The following DNAH5 variants were observed in gnomAD, a reference collection of about 807,000 sequenced individuals.
DNAH5 encodes axonemal beta dynein heavy chain 5.
Under a neutral mutation model 518.2 loss-of-function variants are expected in DNAH5, and 372 were observed. The ratio of observed to expected loss-of-function variants is 0.72; its 90% CI spans 0.66 to 0.78. DNAH5 has a LOEUF of 0.78. Among genes scored for constraint, DNAH5 ranks in the 30% least tolerant of loss-of-function variants. DNAH5 has a pLI of 0.00. For missense variants in DNAH5, 5,523 were observed against 5,687.0 expected (o/e 0.97, Z 0.93); for synonymous variants, 2,039 against 2,025.9 (o/e 1.01, Z -0.17).
At chr5:13,872,907 A>G (rs1006292959) in intron 22 of DNAH5, among the ~76,000 whole-genome samples, 2 of 152,150 alleles carry the variant, frequency 1.3e-5, no homozygotes, top group African/African-American at 2.4e-5. Context: ...AAGTGTTTGC[A>G]TGGACATACA....
chr5:13,870,534 C>T (rs1393248158), intron 24 of DNAH5, among the ~76,000 whole-genome samples: 1 of 152,098 alleles, frequency 6.6e-6, no homozygotes, highest in East Asian at 1.9e-4. Flanking sequence ...AAATCATTTG[C>T]ACAGAAATCT....
intron 59 of DNAH5, among the ~76,000 whole-genome samples, chr5:13,765,510 T>C (rs949982808): frequency 6.6e-6 from 1 of 152,200 alleles, no homozygotes; most frequent in African/African-American, 2.4e-5. Flanking sequence ...GAGAGATTTC[T>C]GGGGTCTGAA....
chr5:14,006,253 T>C (rs900865585), intron 1 of DNAH5, among the ~76,000 whole-genome samples: 9 of 152,194 alleles, frequency 5.9e-5, no homozygotes, highest in African/African-American at 2.2e-4. Context: ...TTCCCACCTG[T>C]AAAATCCAGT....
At chr5:14,004,155 T>C (rs1201835547) in intron 1 of DNAH5, among the ~76,000 whole-genome samples, 1 of 152,256 alleles carries the variant, frequency 6.6e-6, no homozygotes, top group East Asian at 1.9e-4. Flanking sequence ...GCTTCGTGTC[T>C]GTTTAAGTAT....
At chr5:13,979,140 G>C (rs990517546) in intron 1 of DNAH5, among the ~76,000 whole-genome samples, 1 of 151,964 alleles carries the variant, frequency 6.6e-6, no homozygotes, top group African/African-American at 2.4e-5. Flanking sequence ...CCAACCTAGG[G>C]CTTTCCGGCT....
At chr5:13,759,130 G>A in intron 60 of DNAH5, 147 bp from the exon 61 acceptor site, 1 of 1,076,018 alleles carries the variant, frequency 9.3e-7, no homozygotes. Flanking sequence ...ATTAAGTCCT[G>A]AACAAATCTT....
chr5:13,759,570 G>A (rs556824900), intron 60 of DNAH5, among the ~76,000 whole-genome samples: 1 of 152,272 alleles, frequency 6.6e-6, no homozygotes, highest in South Asian at 2.1e-4. Flanking sequence ...TGGTGGTCTT[G>A]ACATTGTTCC....
intron 65 of DNAH5, among the ~76,000 whole-genome samples, chr5:13,743,410 G>A (rs1171667777): frequency 1.3e-5 from 2 of 152,014 alleles, no homozygotes; most frequent in African/African-American, 2.4e-5. Flanking sequence ...CAGGACACTG[G>A]TCTGGGAAAA....
At position 13,766,110 on chromosome 5, in the gene DNAH5, T is replaced by C. The variant is rs1554039465; in HGVS notation, c.9967A>G (p.Met3323Val). The part of the protein sequence containing the change: ...GRPPHLIMRI[M>V]DCVLLLFQRK... ...TGAAACAGCAGCAGTACGCAATCCA[T>C]GATCCGCATGATGAGGTGAGGGGGG... Residue 3323 changes from methionine to valine, a missense_variant, in exon 59 of 79, where the codon ATG becomes GTG. This residue lies in a region of DNAH5 where 5,121 missense variants were observed against 5,223.3 expected (regional missense o/e 0.98). Coordinates refer to ENST00000265104, the MANE Select transcript of DNAH5 (RefSeq NM_001369.3). The C allele has an allele frequency of 6.2e-7, 1 of 1,614,192 alleles. No homozygotes were observed. The highest frequency in any genetic ancestry group is 8.5e-7 in the Non-Finnish European group (1 of 1,180,024).
chr5:13,736,553 C>T (rs1169008477), intron 66 of DNAH5, among the ~76,000 whole-genome samples: 1 of 151,938 alleles, frequency 6.6e-6, no homozygotes, highest in Admixed American at 6.6e-5. Context: ...CACCACCATG[C>T]CTGGCTAATT....
intron 1 of DNAH5, among the ~76,000 whole-genome samples, chr5:13,965,922 T>C (rs1025647804): frequency 4.6e-5 from 7 of 152,082 alleles, no homozygotes; most frequent in African/African-American, 1.4e-4. Flanking sequence ...CATGGATAAG[T>C]TCTTTAGTGG....
chr5:13,769,966 G>A (rs1245686499), intron 56 of DNAH5, among the ~76,000 whole-genome samples: 1 of 152,182 alleles, frequency 6.6e-6, no homozygotes, highest in Admixed American at 6.5e-5. Flanking sequence ...CATGCAGGAA[G>A]GAAAATAATG....
intron 49 of DNAH5, 47 bp downstream of exon 49, chr5:13,793,468 C>G (rs1279206636): frequency 6.6e-7 from 1 of 1,517,108 alleles, no homozygotes; most frequent in Non-Finnish European, 9.2e-7. Context: ...GGAACCCAAG[C>G]AGGTGTTCTT....
At chr5:13,867,734 T>A in intron 25 of DNAH5, 40 bp downstream of exon 25, 1 of 1,473,608 alleles carries the variant, frequency 6.8e-7, no homozygotes, top group Non-Finnish European at 9.5e-7. Flanking sequence ...TTGTATTCAC[T>A]CATCCCCGAA....
Position 13,901,584 on chromosome 5 carries a change from T to A in DNAH5, c.1731-11A>T, listed in dbSNP as rs544581376. 43 of 1,571,186 alleles carry A rather than the reference T, an allele frequency of 2.7e-5. No individual in the cohort carries two copies. The highest frequency in any genetic ancestry group is 1.4e-4 in the East Asian group (6 of 44,366). ...TTAGGTATATTCAATCTGATTTTTTTAAAAAGTTAAAAGCTTGAATTAATG... is the reference window on the plus strand; with the variant it reads ...TTAGGTATATTCAATCTGATTTTTTAAAAAAGTTAAAAGCTTGAATTAATG... On this transcript the variant is annotated splice_polypyrimidine_tract_variant and intron_variant, in intron 13 of 78. Coordinates refer to ENST00000265104, the MANE Select transcript of DNAH5 (RefSeq NM_001369.3).
At chr5:13,782,729 C>T (rs2126848838) in intron 52 of DNAH5, among the ~76,000 whole-genome samples, 1 of 152,274 alleles carries the variant, frequency 6.6e-6, no homozygotes, top group South Asian at 2.1e-4. Flanking sequence ...GGGCCAAGGT[C>T]TTACATTAAA....
In DNAH5 at chr5:13,864,487, G is replaced by A. The variant is rs1309842095; in HGVS notation, c.4506C>T (p.Leu1502=). The A allele has an allele frequency of 6.2e-7, 1 of 1,614,048 alleles. No homozygotes were observed. Among genetic ancestry groups the A allele is most frequent in the Non-Finnish European group, 8.5e-7 (1 of 1,180,038 alleles). ...TCCCCACATCCAGACTGTGCCCGGT[G>A]AGGGTGGTTATCCTTTCCCAGTGCC... ...MERHWERITT[L]TGHSLDVGNE... Residue 1502 remains leucine (L), a synonymous_variant, in exon 28 of 79, where the codon CTC becomes CTT. Coordinates refer to ENST00000265104, the MANE Select transcript of DNAH5 (RefSeq NM_001369.3).
rs780409299 is a variant in DNAH5 at position 13,794,011 on chromosome 5, G to T, written c.7935C>A (p.Gly2645=). 6 of 1,613,814 alleles carry T rather than the reference G, an allele frequency of 3.7e-6. No homozygotes were observed. Among genetic ancestry groups the T allele is most frequent in the Non-Finnish European group, 5.1e-6 (6 of 1,179,976 alleles). ...CAGTCATCTTCTTTCCCGCAGGAGG[G>T]CCATATGTTGTACCCATTCGTTTAT... ...YVDKRMGTTY[G]PPAGKKMTVF... The change falls in exon 48 of 79, where the codon GGC becomes GGA. Residue 2645 remains glycine, a synonymous_variant. Coordinates refer to ENST00000265104, the MANE Select transcript of DNAH5 (RefSeq NM_001369.3).
rs1421332082 is a variant in DNAH5 at position 13,913,904 on chromosome 5, C to T, written c.1375G>A (p.Ala459Thr). ...TKQKLKQNPNAKQFDFSEMYI... is the reference protein window; with the variant it reads ...TKQKLKQNPNTKQFDFSEMYI... ...ATCTCGCTAAAATCAAATTGTTTTG[C>T]ATTTGGATTTTGTTTAAGCTTTTGT... The change falls in exon 11 of 79, where the codon GCA becomes ACA. Residue 459 changes from alanine (A) to threonine (T), a missense_variant. Ala to Thr is a moderately conservative substitution (Grantham distance 58). Around this residue, in one of 3 missense-constraint regions of DNAH5, gnomAD observed 5,121 missense variants for 5,223.3 expected, o/e 0.98. Coordinates refer to ENST00000265104, the MANE Select transcript of DNAH5 (RefSeq NM_001369.3). 6.2e-7 allele frequency: 1 copy of T among 1,613,460 alleles called. No individual in the cohort carries two copies. Among genetic ancestry groups the T allele is most frequent in the Non-Finnish European group, 8.5e-7 (1 of 1,179,542 alleles).
Sources: gnomAD v4.1 joint callset for allele counts (sites outside exome capture counted in the v4.1 genomes callset) on GRCh38, gnomAD v4.1.1 for gene constraint, gnomAD v4.1.1 regional missense constraint, MANE v1.5 for transcripts, NCBI Gene and HGNC (gene_info 2026-07-23, HGNC 2026-07-21) for gene names.